The following HBP1 variants were observed in gnomAD, a reference collection of about 807,000 sequenced individuals.
HBP1 encodes HMG box-containing protein 1.
A neutral mutation model predicts 62.6 loss-of-function variants in HBP1; 20 were observed. The observed-to-expected ratio is 0.32, with a 90% CI of 0.22 to 0.46. The LOEUF (loss-of-function observed/expected upper bound fraction) is 0.46, where lower values mean the gene tolerates loss of function less well. Ranked by LOEUF, HBP1 falls within the 20% of genes least tolerant of loss-of-function variation. The probability of loss-of-function intolerance (pLI) is 1.00; values close to 1 mark genes in which losing one functional copy is unlikely to be tolerated. For missense variants in HBP1, 480 were observed against 611.8 expected, an observed-to-expected ratio of 0.78 and a Z score of 2.27; for synonymous variants, 232 against 206.2, an observed-to-expected ratio of 1.12 and a Z score of -1.07.
intron 1 of HBP1, chr7:107,173,393 T>G (rs1346396480): frequency 2.0e-5 from 3 of 152,206 alleles, no homozygotes; most frequent in Non-Finnish European, 4.4e-5. Context: ...CAGGGAATAA[T>G]AGGCACTTGA....
chr7:107,182,109 TC>T lies in HBP1; in HGVS notation c.170-263del, dbSNP rs577425193. ...ATATTGCACACATAAAATGCCTTTT[TC>T]TTCATTAACTTGTTAATGTAAAAAT... is the stretch of plus-strand genomic sequence containing the variant. On this transcript the variant is annotated intron_variant, in intron 2 of 10. Transcript: ENST00000222574. Among the ~76,000 whole-genome samples, 507 of 152,302 alleles carry T rather than the reference TC, an allele frequency of 3.3e-3. 3 individuals carry two copies. Among genetic ancestry groups the T allele is most frequent in the African/African-American group, 0.012 (483 of 41,556 alleles).
In HBP1 at chr7:107,196,010, C is replaced by A; in HGVS notation, c.1244C>A (p.Ala415Asp). ...SSQLSSNSLYAKAVKNHSSGT... is the reference protein window; with the variant it reads ...SSQLSSNSLYDKAVKNHSSGT... ...CAGCTCTCTTCCAATTCTTTGTATGCTAAAGCTGTCAAAAACCACAGCTCA... is the reference window on the plus strand; with the variant it reads ...CAGCTCTCTTCCAATTCTTTGTATGATAAAGCTGTCAAAAACCACAGCTCA... The change falls in exon 9 of 11, where the codon GCT (alanine) becomes GAT (aspartate). Residue 415 changes from alanine to aspartate, a missense_variant. Physicochemically the swap from Ala to Asp is moderately radical, Grantham distance 126. Transcript: ENST00000222574. 2 of 1,614,042 alleles carry A rather than the reference C, an allele frequency of 1.2e-6. No homozygotes were observed. The highest frequency in any genetic ancestry group is 1.7e-6 in the Non-Finnish European group (2 of 1,179,926).
intron 9 of HBP1, chr7:107,196,376 A>C (rs1223456977): frequency 1.7e-5 from 9 of 515,918 alleles, no homozygotes; most frequent in Non-Finnish European, 3.3e-5. Flanking sequence ...TCAAGTGATT[A>C]TCCTGCCTCA....
intron 1 of HBP1, among the ~76,000 whole-genome samples, chr7:107,177,554 C>A (rs1796913799): frequency 6.6e-6 from 1 of 152,026 alleles, no homozygotes; most frequent in Non-Finnish European, 1.5e-5. Flanking sequence ...AATATAAATT[C>A]AGTGTTTAGA....
intron 8 of HBP1, among the ~76,000 whole-genome samples, chr7:107,195,253 C>A (rs1267075561): frequency 2.0e-5 from 3 of 152,190 alleles, no homozygotes; most frequent in Non-Finnish European, 4.4e-5. Context: ...AACTCCTGAC[C>A]TCAGGTGATC....
chr7:107,169,702 C>A (rs1796457658), intron 1 of HBP1: 2 of 979,330 alleles, frequency 2.0e-6, no homozygotes, highest in Non-Finnish European at 2.4e-6. Context: ...CGCTGGGCCC[C>A]GGGGCTCATT....
chr7:107,180,205 G>T, intron 2 of HBP1, 143 bp downstream of exon 2: 2 of 499,404 alleles, frequency 4.0e-6, no homozygotes, highest in South Asian at 8.1e-5. Context: ...TTCTTTTATT[G>T]CTTTTAAAAT....
chr7:107,187,675 C>T (rs936886425), intron 6 of HBP1, among the ~76,000 whole-genome samples: 10 of 152,170 alleles, frequency 6.6e-5, no homozygotes, highest in African/African-American at 4.8e-5. Flanking sequence ...CTAACTTTGG[C>T]CTCTACTACT....
intron 3 of HBP1, among the ~76,000 whole-genome samples, chr7:107,184,678 T>G (rs959220266): frequency 3.3e-5 from 5 of 152,160 alleles, no homozygotes; most frequent in African/African-American, 1.2e-4. Context: ...GCCTGGCTGG[T>G]TTTTTGTATT....
At chr7:107,179,057 T>A (rs1796987456) in intron 1 of HBP1, among the ~76,000 whole-genome samples, 1 of 152,178 alleles carries the variant, frequency 6.6e-6, no homozygotes, top group Non-Finnish European at 1.5e-5. Context: ...TGTATTTTTT[T>A]AAGTGTGCTG....
chr7:107,185,104 C>T (rs750508898), intron 3 of HBP1, among the ~76,000 whole-genome samples: 6 of 152,064 alleles, frequency 3.9e-5, no homozygotes, highest in Admixed American at 6.5e-5. Flanking sequence ...GCTCCATATA[C>T]TCTAAAGGGA....
chr7:107,176,362 C>T (rs1796851629), intron 1 of HBP1, among the ~76,000 whole-genome samples: 1 of 152,168 alleles, frequency 6.6e-6, no homozygotes, highest in Admixed American at 6.5e-5. Flanking sequence ...AAGTCCTGCT[C>T]TGTAGAACTA....
In HBP1 at chr7:107,171,069, A is replaced by ATT. The variant is rs1292839546; in HGVS notation, c.-16+1885_-16+1886insTT. ...TAAATATATATATATATATATATAT[A>ATT]TATATTTTTTTTTTTTTTTGAGAGG... On this transcript the variant is annotated intron_variant, in intron 1 of 10. Transcript: ENST00000222574. Among the ~76,000 whole-genome samples, 13 of 72,380 alleles carry ATT rather than the reference A, an allele frequency of 1.8e-4. 2 individuals carry two copies. Among genetic ancestry groups the ATT allele is most frequent in the African/African-American group, 1.3e-3 (12 of 9,420 alleles). The allele number at this position is 72,380 out of a possible 152,430, so 47.5% of individuals were successfully genotyped here. A position where few individuals can be genotyped will look rare whatever the true frequency, so the allele number is the denominator to read the frequency against.
intron 1 of HBP1, among the ~76,000 whole-genome samples, chr7:107,171,068 T>TA (rs1796555025): frequency 1.6e-5 from 1 of 63,202 alleles, no homozygotes; most frequent in Admixed American, 1.9e-4. Context: ...TATATATATA[T>TA]ATATATTTTT....
At chr7:107,194,859 A>G (rs776405575) in intron 8 of HBP1, among the ~76,000 whole-genome samples, 9 of 152,224 alleles carry the variant, frequency 5.9e-5, no homozygotes, top group Non-Finnish European at 8.8e-5. Flanking sequence ...TTCCATGTCT[A>G]TGTAAACTGA....
intron 8 of HBP1, among the ~76,000 whole-genome samples, chr7:107,195,128 T>G (rs1468700262): frequency 6.6e-6 from 1 of 152,210 alleles, no homozygotes; most frequent in Non-Finnish European, 1.5e-5. Context: ...TTCAAGCGAT[T>G]CTCCTGCCTC....
intron 7 of HBP1, 122 bp downstream of exon 7, chr7:107,189,570 A>C (rs1562895698): frequency 1.5e-6 from 1 of 675,394 alleles, no homozygotes; most frequent in Non-Finnish European, 2.5e-6. Context: ...CAAACTAAAT[A>C]AAAAACTACC....
intron 1 of HBP1, among the ~76,000 whole-genome samples, chr7:107,177,442 C>CAAGG (rs1174116276): frequency 6.6e-6 from 1 of 152,190 alleles, no homozygotes; most frequent in Non-Finnish European, 1.5e-5. Flanking sequence ...GAATATTAGA[C>CAAGG]ATACAGTAAG....
intron 4 of HBP1, 100 bp from the exon 5 acceptor site, chr7:107,186,261 T>C (rs1797370016): frequency 7.4e-6 from 5 of 675,890 alleles, no homozygotes; most frequent in East Asian, 2.8e-5. Context: ...TACTAAGTTA[T>C]CCACCTATAA....
Sources: allele counts gnomAD v4.1 joint callset (sites outside exome capture counted in the v4.1 genomes callset), GRCh38; gene constraint gnomAD v4.1.1; transcripts MANE v1.5; gene names NCBI Gene and HGNC (gene_info 2026-07-23, HGNC 2026-07-21).